The following NRCAM variants were observed in gnomAD, a reference collection of about 807,000 sequenced individuals.
The protein encoded by NRCAM is NgCAM-related cell adhesion molecule.
NRCAM carries 83 observed loss-of-function variants against 156.5 expected under a neutral mutation model. The observed-to-expected ratio is 0.53, with a 90% CI of 0.44 to 0.64. NRCAM has a LOEUF of 0.64. NRCAM is among the 30% of genes least tolerant of loss of function. The pLI is 0.00. For synonymous variants in NRCAM, 538 were observed against 563.9 expected (o/e 0.95, Z 0.65); for missense variants, 1,417 against 1,597.3 (o/e 0.89, Z 1.92).
In NRCAM at chr7:108,149,647, G is replaced by T. The variant is rs2040176334; in HGVS notation, c.*263C>A. The T allele has an allele frequency of 2.1e-6, 1 of 477,338 alleles. No individual in the cohort carries two copies. The highest frequency in any genetic ancestry group is 3.7e-6 in the Non-Finnish European group (1 of 271,430). 29.6% of individuals were successfully genotyped at this position (477,338 alleles called of 1,614,324 possible). A position where few individuals can be genotyped will look rare whatever the true frequency, so the allele number is the denominator to read the frequency against. On this transcript the variant is annotated 3_prime_UTR_variant, in exon 33 of 33. Transcript: ENST00000379028. ...TCCTGCAGAGGAAATAACAGGATCT[G>T]TTGGTGATGTTGCATTATTTTTTAT...
At chr7:108,438,442 T>A (rs556597692) in intron 1 of NRCAM, among the ~76,000 whole-genome samples, 90 of 152,198 alleles carry the variant, frequency 5.9e-4, no homozygotes, top group Middle Eastern at 3.4e-3. Context: ...GAAAATGCAT[T>A]TAACAAAATC....
At chr7:108,195,987 A>C (rs376561493) in intron 14 of NRCAM, 115 bp from the exon 15 acceptor site, 27 of 708,472 alleles carry the variant, frequency 3.8e-5, no homozygotes, top group African/African-American at 1.1e-4. Flanking sequence ...CAAGCAATCT[A>C]TCTCTCTCCT....
intron 30 of NRCAM, among the ~76,000 whole-genome samples, chr7:108,161,172 C>T (rs1585393179): frequency 6.6e-6 from 1 of 152,136 alleles, no homozygotes; most frequent in Admixed American, 6.5e-5. Flanking sequence ...AATCAATATT[C>T]GTTATTGCTA....
chr7:108,239,006 C>T (rs190854521), intron 4 of NRCAM, among the ~76,000 whole-genome samples: 37 of 152,180 alleles, frequency 2.4e-4, no homozygotes, highest in Admixed American at 7.9e-4. Context: ...ATCTTCCTTG[C>T]ACCTTGGAAA....
intron 1 of NRCAM, among the ~76,000 whole-genome samples, chr7:108,431,515 G>T (rs542371561): frequency 6.6e-6 from 1 of 152,292 alleles, no homozygotes; most frequent in South Asian, 2.1e-4. Context: ...GGGTGTGGTG[G>T]CTCATGCCTA....
rs2039817201 is a variant in NRCAM at position 108,148,426 on chromosome 7, A to AAGTT, written c.*1480_*1483dup. On this transcript the variant is annotated 3_prime_UTR_variant, in exon 33 of 33. Transcript: ENST00000379028. ...CTTTACTTAAAATTAAACTTGATGC[A>AAGTT]AGTTATGAGAAACCAATTTATTGGC... 2 of 152,790 alleles carry AAGTT rather than the reference A, an allele frequency of 1.3e-5. No homozygotes were observed. Among genetic ancestry groups the AAGTT allele is most frequent in the South Asian group, 4.1e-4 (2 of 4,828 alleles). The allele number at this position is 152,790 out of a possible 1,614,324, so 9.5% of individuals were successfully genotyped here. A position where few individuals can be genotyped will look rare whatever the true frequency, so the allele number is the denominator to read the frequency against.
chr7:108,407,222 A>G (rs2099809763), intron 1 of NRCAM, among the ~76,000 whole-genome samples: 1 of 152,200 alleles, frequency 6.6e-6, no homozygotes, highest in Non-Finnish European at 1.5e-5. Context: ...CACCATGAAC[A>G]TTTCCCCAAC....
At chr7:108,233,610 C>T (rs1225045693) in intron 6 of NRCAM, among the ~76,000 whole-genome samples, 8 of 152,134 alleles carry the variant, frequency 5.3e-5, no homozygotes, top group Non-Finnish European at 1.0e-4. Context: ...AGAGGCTTTC[C>T]ATTAACATAG....
At position 108,390,589 on chromosome 7, in the gene NRCAM, C is replaced by T. The variant is rs145326478; in HGVS notation, c.-174+8847G>A. On this transcript the variant is annotated intron_variant, in intron 2 of 32. Transcript: ENST00000379028. ...CTATCTCCTTCAGTTCTGCTCTGAT[C>T]TTAGTTATTTCTTGTCTTCTGCTAG... 7.0e-3 allele frequency among the ~76,000 whole-genome samples: 1,067 copies of T among 152,128 alleles called. 17 individuals are homozygous for T. Among genetic ancestry groups the T allele is most frequent in the African/African-American group, 0.025 (1,027 of 41,518 alleles).
intron 13 of NRCAM, among the ~76,000 whole-genome samples, chr7:108,201,493 A>T (rs1233345029): frequency 6.6e-6 from 1 of 152,226 alleles, no homozygotes; most frequent in African/African-American, 2.4e-5. Flanking sequence ...AGTTCTGAAG[A>T]TCTGTTGCAC....
intron 2 of NRCAM, among the ~76,000 whole-genome samples, chr7:108,345,767 A>G (rs1013556174): frequency 1.3e-5 from 2 of 152,212 alleles, no homozygotes; most frequent in African/African-American, 2.4e-5. Flanking sequence ...ACTGTGAGAA[A>G]TAAGTTTCTA....
chr7:108,435,903 C>T (rs776599220), intron 1 of NRCAM, among the ~76,000 whole-genome samples: 6 of 152,162 alleles, frequency 3.9e-5, no homozygotes, highest in Non-Finnish European at 8.8e-5. Context: ...GAGGCCGAGG[C>T]GGGTGGATCA....
chr7:108,271,114 G>GT (rs1484717105), intron 3 of NRCAM, among the ~76,000 whole-genome samples: 2 of 152,118 alleles, frequency 1.3e-5, no homozygotes, highest in African/African-American at 4.8e-5. Flanking sequence ...CTTAAAAATG[G>GT]TTAAAACGAT....
intron 13 of NRCAM, 57 bp from the exon 14 acceptor site, chr7:108,198,156 T>C (rs931343660): frequency 1.5e-5 from 22 of 1,421,132 alleles, no homozygotes; most frequent in Non-Finnish European, 2.1e-5. Context: ...AGATGTATAT[T>C]AAGCTTGTAA....
At chr7:108,155,237 T>C (rs1295337541) in intron 32 of NRCAM, among the ~76,000 whole-genome samples, 1 of 151,680 alleles carries the variant, frequency 6.6e-6, no homozygotes, top group Non-Finnish European at 1.5e-5. Flanking sequence ...ATTCACATTT[T>C]AATGAGAAAG....
intron 1 of NRCAM, among the ~76,000 whole-genome samples, chr7:108,439,300 C>T (rs961043980): frequency 6.6e-6 from 1 of 152,080 alleles, no homozygotes; most frequent in Non-Finnish European, 1.5e-5. Context: ...AGTAAAAAGA[C>T]AACCCACAAA....
rs977533799 is a variant in NRCAM, at chr7:108,369,365, AT to A, written c.-174+30070del. ...TAGTATATAGAATAAATTACTGATA[AT>A]TTTTTTTGAAAATTTAAAAAGTAAC... On this transcript the variant is annotated intron_variant, in intron 2 of 32. Coordinates refer to ENST00000379028, the MANE Select transcript of NRCAM (RefSeq NM_001037132.4). Among the ~76,000 whole-genome samples the A allele has an allele frequency of 1.3e-4, 19 of 151,984 alleles. No homozygotes were observed. The South Asian group carries it at 2.9e-3, about 23-fold the overall frequency.
intron 2 of NRCAM, among the ~76,000 whole-genome samples, chr7:108,321,928 A>C (rs2099006567): frequency 6.6e-6 from 1 of 152,242 alleles, no homozygotes; most frequent in South Asian, 2.1e-4. Context: ...AACCAGATGT[A>C]AAGACAGGCA....
intron 10 of NRCAM, among the ~76,000 whole-genome samples, chr7:108,224,367 C>A (rs2093032673): frequency 6.6e-6 from 1 of 151,934 alleles, no homozygotes; most frequent in Non-Finnish European, 1.5e-5. Flanking sequence ...TTATGGAAAA[C>A]AAAAGTAGAG....
Sources: allele counts gnomAD v4.1 joint callset (sites outside exome capture counted in the v4.1 genomes callset), GRCh38; gene constraint gnomAD v4.1.1; transcripts MANE v1.5; gene names NCBI Gene and HGNC (gene_info 2026-07-23, HGNC 2026-07-21).